The following ANO2 variants were observed in gnomAD, a reference collection of about 807,000 sequenced individuals.
ANO2 encodes the protein anoctamin-2.
In ANO2, 101 loss-of-function variants were observed where a neutral mutation model predicts 124.2. The observed-to-expected ratio is 0.81, with a 90% CI of 0.69 to 0.96. The LOEUF (loss-of-function observed/expected upper bound fraction) is 0.96. Ranked by LOEUF, ANO2 falls within the 40% of genes least tolerant of loss-of-function variation. ANO2 has a pLI of 0.00. For missense variants in ANO2, 1,293 were observed against 1,274.5 expected (o/e 1.01, Z -0.22); for synonymous variants, 486 against 482.5 (o/e 1.01, Z -0.09).
chr12:5,842,784 G>A (rs1294924441), intron 4 of ANO2, among the ~76,000 whole-genome samples: 1 of 152,290 alleles, frequency 6.6e-6, no homozygotes, highest in South Asian at 2.1e-4. Context: ...AACCGGGCCT[G>A]GGGTCTTCCC....
chr12:5,642,946 C>G (rs1024522252), intron 15 of ANO2, among the ~76,000 whole-genome samples: 2 of 152,180 alleles, frequency 1.3e-5, no homozygotes, highest in African/African-American at 4.8e-5. Context: ...GCTCCTCCAC[C>G]TCCTCCAGAT....
chr12:5,833,853 G>A (rs978601729), intron 4 of ANO2, among the ~76,000 whole-genome samples: 2 of 152,088 alleles, frequency 1.3e-5, no homozygotes, highest in African/African-American at 2.4e-5. Context: ...ATTGTCTTCC[G>A]TGAAACCAGT....
chr12:5,799,419 A>C (rs372557222), intron 10 of ANO2, 88 bp downstream of exon 10: 46 of 1,133,142 alleles, frequency 4.1e-5, no homozygotes, highest in African/African-American at 2.6e-4. Flanking sequence ...CACTTGAGCA[A>C]AGGACTGTCA....
chr12:5,783,936 C>T (rs139184006), intron 10 of ANO2, among the ~76,000 whole-genome samples: 15 of 152,314 alleles, frequency 9.8e-5, no homozygotes, highest in African/African-American at 3.6e-4. Flanking sequence ...ATCCCTCAAA[C>T]AACATCCTTA....
chr12:5,595,991 T>C (rs1158526099), intron 20 of ANO2, among the ~76,000 whole-genome samples: 1 of 152,210 alleles, frequency 6.6e-6, no homozygotes, highest in Admixed American at 6.5e-5. Flanking sequence ...TTCTTATTCT[T>C]TCAGAAAGCA....
chr12:5,700,353 C>T (rs1220276321), intron 14 of ANO2, among the ~76,000 whole-genome samples: 4 of 152,022 alleles, frequency 2.6e-5, no homozygotes, highest in Admixed American at 6.6e-5. Context: ...GGGTACAAAA[C>T]GAAATGAAGG....
intron 10 of ANO2, among the ~76,000 whole-genome samples, chr12:5,781,392 C>T (rs558499686): frequency 6.6e-6 from 1 of 152,330 alleles, no homozygotes; most frequent in Non-Finnish European, 1.5e-5. Context: ...GGCTAAGCCA[C>T]TAAATGGCCC....
intron 3 of ANO2, among the ~76,000 whole-genome samples, chr12:5,879,014 T>A (rs1938302493): frequency 6.6e-6 from 1 of 152,176 alleles, no homozygotes; most frequent in Non-Finnish European, 1.5e-5. Flanking sequence ...AGTGGGACAG[T>A]TGGTGCGTCT....
At chr12:5,717,028 A>ATCAGC (rs1362735566) in intron 14 of ANO2, among the ~76,000 whole-genome samples, 3 of 152,388 alleles carry the variant, frequency 2.0e-5, no homozygotes, top group Admixed American at 1.3e-4. Flanking sequence ...AAGCACCAGC[A>ATCAGC]TCAGCTCCCA....
chr12:5,858,048 G>A (rs1955159590), intron 3 of ANO2, among the ~76,000 whole-genome samples: 1 of 152,206 alleles, frequency 6.6e-6, no homozygotes, highest in Non-Finnish European at 1.5e-5. Flanking sequence ...GGAGGATGGG[G>A]AGAGGTTGGT....
At chr12:5,880,655 G>C (rs1231935507) in intron 3 of ANO2, among the ~76,000 whole-genome samples, 2 of 152,118 alleles carry the variant, frequency 1.3e-5, no homozygotes, top group East Asian at 1.9e-4. Flanking sequence ...AGCAAGGATT[G>C]AATGGATCTT....
At chr12:5,726,956 A>T (rs1468342510) in intron 14 of ANO2, among the ~76,000 whole-genome samples, 3 of 152,172 alleles carry the variant, frequency 2.0e-5, no homozygotes. Context: ...ATGGTACCAT[A>T]ACTCCTACCC....
rs919869221 is a variant in ANO2, at chr12:5,925,552, G to C, written c.23-2748C>G. ...GAGAGGAAGGCCAAGGGGAACGCGA[G>C]TGACGCCTGCCCTCAGGAAGGGGAA... is the stretch of plus-strand genomic sequence containing the variant. On this transcript the variant is annotated intron_variant, in intron 1 of 24. Transcript: ENST00000682330. This position sits in a 1 kb window ranked among gnomAD's most constrained non-coding sequence, Gnocchi z 4.6. 2.0e-5 allele frequency among the ~76,000 whole-genome samples: 3 copies of C among 152,212 alleles called. No homozygotes were observed. Among genetic ancestry groups the C allele is most frequent in the African/African-American group, 7.2e-5 (3 of 41,456 alleles).
chr12:5,834,096 C>T (rs1954241679), intron 4 of ANO2, among the ~76,000 whole-genome samples: 2 of 152,186 alleles, frequency 1.3e-5, no homozygotes, highest in Non-Finnish European at 2.9e-5. Flanking sequence ...CACCTCCAAG[C>T]TGGCTACCAC....
intron 10 of ANO2, among the ~76,000 whole-genome samples, chr12:5,774,230 G>A (rs566202529): frequency 9.2e-5 from 14 of 152,248 alleles, no homozygotes; most frequent in Middle Eastern, 3.4e-3. Flanking sequence ...CAAGGTGGGC[G>A]GATTGCTTGA....
At chr12:5,798,098 A>G (rs1016223704) in intron 10 of ANO2, among the ~76,000 whole-genome samples, 6 of 152,112 alleles carry the variant, frequency 3.9e-5, no homozygotes, top group Admixed American at 3.9e-4. Flanking sequence ...GTAGTTGGAG[A>G]AAACAGGCGA....
chr12:5,897,539 A>C (rs1939878417), intron 3 of ANO2, among the ~76,000 whole-genome samples: 1 of 152,214 alleles, frequency 6.6e-6, no homozygotes, highest in South Asian at 2.1e-4. Context: ...TATTGGCACA[A>C]GGATAGTCAA....
intron 14 of ANO2, among the ~76,000 whole-genome samples, chr12:5,679,280 G>C (rs1205721862): frequency 6.6e-6 from 1 of 152,116 alleles, no homozygotes; most frequent in Non-Finnish European, 1.5e-5. Flanking sequence ...AGCAAAAATT[G>C]ACAAATAAGA....
chr12:5,832,509 T>C lies in ANO2; in HGVS notation c.728A>G (p.His243Arg), dbSNP rs1954185049. ...GAGGTTTTTCATCTTGTTGTTGCTG[T>C]GTTCTGGAACTCGGGGCTGCAGGTG... is the stretch of plus-strand genomic sequence containing the variant. The part of the protein sequence containing the change: ...SSHLQPRVPE[H>R]SNNKMKNLSY... The change falls in exon 5 of 25, where the codon CAC becomes CGC. Residue 243 changes from histidine (H) to arginine (R), a missense_variant. Physicochemically the swap from His to Arg is conservative, Grantham distance 29 (BLOSUM62 0). Transcript: ENST00000682330. 4.3e-6 allele frequency: 7 copies of C among 1,613,890 alleles called. No homozygotes were observed. In the African/African-American group the frequency reaches 8.0e-5, roughly 18 times the overall value.
Sources: gnomAD v4.1 joint callset for allele counts (sites outside exome capture counted in the v4.1 genomes callset) on GRCh38, gnomAD v4.1.1 for gene constraint, Gnocchi (gnomAD v3.1) non-coding constraint, MANE v1.5 for transcripts, NCBI Gene and HGNC (gene_info 2026-07-23, HGNC 2026-07-21) for gene names.